The following GRID2 variants were observed in gnomAD, a reference collection of about 807,000 sequenced individuals.
GRID2 encodes glutamate ionotropic receptor delta type subunit 2.
A neutral mutation model predicts 114.8 loss-of-function variants in GRID2; 33 were observed. The observed-to-expected ratio is 0.29, with a 90% CI of 0.22 to 0.38. The LOEUF is 0.38. Among genes scored for constraint, GRID2 ranks in the 10% least tolerant of loss-of-function variants. The pLI is 1.00. For missense variants in GRID2, 1,184 were observed against 1,257.7 expected (o/e 0.94, Z 0.89); for synonymous variants, 505 against 449.9 (o/e 1.12, Z -1.55).
intron 3 of GRID2, among the ~76,000 whole-genome samples, chr4:93,091,178 A>T (rs1300604521): frequency 6.6e-6 from 1 of 152,068 alleles, no homozygotes; most frequent in Non-Finnish European, 1.5e-5. Context: ...CCCTTTAAGG[A>T]TTGTTTACCA....
intron 1 of GRID2, among the ~76,000 whole-genome samples, chr4:92,418,918 T>C (rs1731753758): frequency 6.6e-6 from 1 of 152,102 alleles, no homozygotes. Context: ...CCAGTGAAGA[T>C]GGAAAAATTA....
At chr4:92,321,747 A>G (rs183687835) in intron 1 of GRID2, among the ~76,000 whole-genome samples, 2 of 152,196 alleles carry the variant, frequency 1.3e-5, no homozygotes, top group Non-Finnish European at 2.9e-5. Flanking sequence ...GAGTTGACCC[A>G]GTCAAAAATT....
intron 2 of GRID2, among the ~76,000 whole-genome samples, chr4:92,933,962 C>G (rs1750437865): frequency 6.6e-6 from 1 of 151,616 alleles, no homozygotes. Flanking sequence ...CTCTATGAAA[C>G]TTCCTGCAAA....
chr4:92,364,588 T>C (rs1223195279), intron 1 of GRID2, among the ~76,000 whole-genome samples: 1 of 151,938 alleles, frequency 6.6e-6, no homozygotes, highest in Non-Finnish European at 1.5e-5. Flanking sequence ...AGAGGTCTAG[T>C]ATAGACTTTA....
chr4:92,614,584 T>C (rs1354450781), intron 2 of GRID2, among the ~76,000 whole-genome samples: 1 of 151,656 alleles, frequency 6.6e-6, no homozygotes, highest in African/African-American at 2.4e-5. Flanking sequence ...TACTGTATGA[T>C]TTCAATCATT....
intron 2 of GRID2, among the ~76,000 whole-genome samples, chr4:92,830,871 T>A (rs978386992): frequency 1.3e-5 from 2 of 152,204 alleles, no homozygotes; most frequent in Non-Finnish European, 2.9e-5. Flanking sequence ...ATTCATTGTG[T>A]AGTTACAGAA....
At chr4:92,374,037 C>T (rs1046086334) in intron 1 of GRID2, among the ~76,000 whole-genome samples, 3 of 151,948 alleles carry the variant, frequency 2.0e-5, no homozygotes, top group African/African-American at 4.8e-5. Flanking sequence ...AAAGCCCCCC[C>T]GCCCTGCCAC....
chr4:92,884,894 A>T, intron 2 of GRID2: 1 of 397,030 alleles, frequency 2.5e-6, no homozygotes, highest in Admixed American at 3.1e-5. Flanking sequence ...TGAGAATGGT[A>T]CTATCAATGT....
At chr4:93,303,364 G>A (rs1321126606) in intron 8 of GRID2, among the ~76,000 whole-genome samples, 1 of 152,144 alleles carries the variant, frequency 6.6e-6, no homozygotes, top group Non-Finnish European at 1.5e-5. Flanking sequence ...CTTCCCCAGA[G>A]CCATTCATTT....
At position 93,572,384 on chromosome 4, in the gene GRID2, A is replaced by G. The variant is rs61414644; in HGVS notation, c.2194-53885A>G. On this transcript the variant is annotated intron_variant, in intron 13 of 15. Coordinates refer to ENST00000282020, the MANE Select transcript of GRID2 (RefSeq NM_001510.4). ...TTTTGCACGATATGCTTTGAGTTCC[A>G]TTATGAGCATTTCAGGTAGAAATTC... Among the ~76,000 whole-genome samples the G allele has an allele frequency of 5.5e-3, 843 of 152,296 alleles. 10 individuals carry two copies. Among genetic ancestry groups the G allele is most frequent in the African/African-American group, 0.019 (788 of 41,566 alleles).
intron 2 of GRID2, among the ~76,000 whole-genome samples, chr4:92,744,715 G>A (rs4346617): frequency 6.6e-6 from 1 of 151,930 alleles, no homozygotes; most frequent in East Asian, 1.9e-4. Context: ...ATTACCTGAG[G>A]CTCAAGGCAA....
intron 1 of GRID2, among the ~76,000 whole-genome samples, chr4:92,534,219 G>A (rs1725494609): frequency 6.6e-6 from 1 of 152,026 alleles, no homozygotes; most frequent in Non-Finnish European, 1.5e-5. Flanking sequence ...TAGAAGTAAA[G>A]CTTTTATTTC....
chr4:93,672,302 A>G (rs1724495030), intron 14 of GRID2, among the ~76,000 whole-genome samples: 2 of 152,212 alleles, frequency 1.3e-5, no homozygotes, highest in Admixed American at 1.3e-4. Context: ...ATGTAACTCC[A>G]TACATCCAAG....
intron 1 of GRID2, among the ~76,000 whole-genome samples, chr4:92,552,702 G>A (rs1233392331): frequency 1.3e-5 from 2 of 152,194 alleles, no homozygotes; most frequent in South Asian, 2.1e-4. Flanking sequence ...TTAGCAAATA[G>A]GGAGTTGAAG....
intron 13 of GRID2, among the ~76,000 whole-genome samples, chr4:93,518,919 A>G (rs897137382): frequency 6.6e-6 from 1 of 152,140 alleles, no homozygotes; most frequent in Admixed American, 6.6e-5. Context: ...CAGAAGTGCA[A>G]CAAGGTCAAG....
At chr4:93,534,335 G>A (rs1457688792) in intron 13 of GRID2, among the ~76,000 whole-genome samples, 1 of 151,914 alleles carries the variant, frequency 6.6e-6, no homozygotes, top group African/African-American at 2.4e-5. Flanking sequence ...ATGGTGTTTT[G>A]ATATACATAT....
chr4:92,846,456 T>A (rs1263932411), intron 2 of GRID2, among the ~76,000 whole-genome samples: 1 of 152,122 alleles, frequency 6.6e-6, no homozygotes, highest in Non-Finnish European at 1.5e-5. Flanking sequence ...TTTGCTAGGA[T>A]AATGGTCTCC....
At chr4:93,183,133 T>G (rs1740057077) in intron 4 of GRID2, among the ~76,000 whole-genome samples, 1 of 152,170 alleles carries the variant, frequency 6.6e-6, no homozygotes, top group Non-Finnish European at 1.5e-5. Context: ...TTCCTAAAAT[T>G]TAGTTGCCTG....
chr4:93,274,280 G>A (rs36070398), intron 8 of GRID2, among the ~76,000 whole-genome samples: 10,840 of 152,054 alleles, frequency 0.071, 555 homozygotes, highest in Non-Finnish European at 0.11. Flanking sequence ...TGCTTAACAA[G>A]GCACTTTGTA....
Sources: gnomAD v4.1 joint callset for allele counts (sites outside exome capture counted in the v4.1 genomes callset) on GRCh38, gnomAD v4.1.1 for gene constraint, MANE v1.5 for transcripts, NCBI Gene and HGNC (gene_info 2026-07-23, HGNC 2026-07-21) for gene names.